Variants in RGS6 observed in about 807,000 individuals in gnomAD.
RGS6 encodes regulator of G-protein signaling 6.
A neutral mutation model predicts 78.5 loss-of-function variants in RGS6; 30 were observed. The ratio of observed to expected loss-of-function variants is 0.38; its 90% CI spans 0.29 to 0.52. The LOEUF (loss-of-function observed/expected upper bound fraction) is 0.52, where lower values mean the gene tolerates loss of function less well. Among genes scored for constraint, RGS6 ranks in the 20% least tolerant of loss-of-function variants. RGS6 has a pLI of 0.85. For synonymous variants in RGS6, 206 were observed against 206.0 expected (o/e 1.00, Z 0.00); for missense variants, 495 against 609.7 (o/e 0.81, Z 1.98).
intron 1 of RGS6, among the ~76,000 whole-genome samples, chr14:71,959,712 T>G (rs1284773067): frequency 6.6e-6 from 1 of 152,132 alleles, no homozygotes; most frequent in Admixed American, 6.5e-5. Flanking sequence ...TGGGGTGGGA[T>G]TCTCCATTGA....
chr14:72,517,173 G>A (rs1396197707), intron 14 of RGS6, among the ~76,000 whole-genome samples: 1 of 151,172 alleles, frequency 6.6e-6, no homozygotes, highest in Non-Finnish European at 1.5e-5. Context: ...ATCTTACTTT[G>A]GATGAAATTT....
intron 2 of RGS6, among the ~76,000 whole-genome samples, chr14:72,105,329 G>T (rs2095612042): frequency 6.6e-6 from 1 of 152,104 alleles, no homozygotes; most frequent in African/African-American, 2.4e-5. Context: ...CATTTTGCCT[G>T]GTCTTACAGT....
At chr14:72,396,757 A>C (rs2091382230) in intron 3 of RGS6, among the ~76,000 whole-genome samples, 1 of 149,146 alleles carries the variant, frequency 6.7e-6, no homozygotes, top group Non-Finnish European at 1.5e-5. Flanking sequence ...TCAGCTTTCT[A>C]CATATGTCTA....
At chr14:72,504,538 A>G (rs1358009316) in intron 13 of RGS6, among the ~76,000 whole-genome samples, 1 of 152,222 alleles carries the variant, frequency 6.6e-6, no homozygotes, top group African/African-American at 2.4e-5. Flanking sequence ...ATTTATGTCT[A>G]AAACTCATCA....
chr14:72,512,740 C>T (rs2096893944), intron 14 of RGS6, among the ~76,000 whole-genome samples: 1 of 152,248 alleles, frequency 6.6e-6, no homozygotes, highest in African/African-American at 2.4e-5. Flanking sequence ...GAGAGAGAAG[C>T]TCAGTCGTAA....
chr14:72,516,595 G>A (rs940132168), intron 14 of RGS6, among the ~76,000 whole-genome samples: 9 of 152,222 alleles, frequency 5.9e-5, no homozygotes, highest in Non-Finnish European at 1.2e-4. Context: ...GCCACCTGCG[G>A]AGAGAAGGCT....
intron 2 of RGS6, among the ~76,000 whole-genome samples, chr14:72,168,726 C>T (rs539594057): frequency 2.6e-5 from 4 of 152,120 alleles, no homozygotes; most frequent in Admixed American, 6.6e-5. Context: ...TGTGGAACAG[C>T]GCTGCTCTAG....
At chr14:72,009,818 T>C (rs1459146601) in intron 2 of RGS6, among the ~76,000 whole-genome samples, 1 of 152,266 alleles carries the variant, frequency 6.6e-6, no homozygotes, top group Non-Finnish European at 1.5e-5. Context: ...GCATTTAGTT[T>C]AGTGTCTTGG....
the RGS6 span, among the ~76,000 whole-genome samples, chr14:71,919,611 TG>T: frequency 6.6e-6 from 1 of 152,168 alleles, no homozygotes; most frequent in Non-Finnish European, 1.5e-5. Flanking sequence ...ATGTGTGTGC[TG>T]GGGGTGGGAG....
the RGS6 span, among the ~76,000 whole-genome samples, chr14:72,626,867 C>T: frequency 6.6e-6 from 1 of 151,812 alleles, no homozygotes; most frequent in South Asian, 2.1e-4. Flanking sequence ...AACTTTTGCC[C>T]ATCTGATAAG....
At chr14:72,493,038 C>A (rs764981577) in intron 12 of RGS6, among the ~76,000 whole-genome samples, 4 of 152,134 alleles carry the variant, frequency 2.6e-5, no homozygotes, top group Admixed American at 6.5e-5. Context: ...TCATTTGGAG[C>A]TCCCATTAAA....
chr14:72,487,576 A>T (rs894255954), intron 12 of RGS6, among the ~76,000 whole-genome samples: 1 of 152,220 alleles, frequency 6.6e-6, no homozygotes, highest in African/African-American at 2.4e-5. Flanking sequence ...GAGGCAGAAG[A>T]GTCGGTGTCA....
intron 3 of RGS6, among the ~76,000 whole-genome samples, chr14:72,453,931 G>T (rs562865292): frequency 6.6e-6 from 1 of 152,232 alleles, no homozygotes; most frequent in Admixed American, 6.5e-5. Flanking sequence ...AGGTCTGGAA[G>T]TGGCATATGC....
chr14:72,007,556 G>A (rs748775840), intron 2 of RGS6, among the ~76,000 whole-genome samples: 3 of 152,124 alleles, frequency 2.0e-5, no homozygotes, highest in South Asian at 2.1e-4. Context: ...AACATTATGC[G>A]TGGACCTTTA....
At chr14:72,540,326 T>C (rs2097307623) in intron 17 of RGS6, 2 of 1,469,106 alleles carry the variant, frequency 1.4e-6, no homozygotes, top group South Asian at 1.4e-5. Flanking sequence ...GCACCCTTGA[T>C]CGCCCAGCCT....
chr14:71,963,221 C>A (rs2093322764), intron 1 of RGS6, among the ~76,000 whole-genome samples: 1 of 152,196 alleles, frequency 6.6e-6, no homozygotes. Context: ...CTTGTACTTG[C>A]TCAAGGTCAC....
intron 2 of RGS6, among the ~76,000 whole-genome samples, chr14:72,283,634 G>A (rs1047888162): frequency 6.6e-6 from 1 of 152,182 alleles, no homozygotes; most frequent in African/African-American, 2.4e-5. Context: ...GGAACTGTGT[G>A]TCCATTAAAC....
intron 2 of RGS6, chr14:71,990,796 C>T (rs187412388): frequency 4.4e-6 from 2 of 456,066 alleles, no homozygotes; most frequent in African/African-American, 4.0e-5. Flanking sequence ...ACCAAAAAGA[C>T]ATCTCTGTTT....
chr14:72,403,030 A>C (rs2092607741), intron 3 of RGS6, among the ~76,000 whole-genome samples: 1 of 151,980 alleles, frequency 6.6e-6, no homozygotes, highest in South Asian at 2.1e-4. Context: ...ATCTCAAGTC[A>C]TCTGCCCACT....
Sources: gnomAD v4.1 joint callset for allele counts (sites outside exome capture counted in the v4.1 genomes callset) on GRCh38, gnomAD v4.1.1 for gene constraint, MANE v1.5 for transcripts, NCBI Gene and HGNC (gene_info 2026-07-23, HGNC 2026-07-21) for gene names.